OSBPL2: variants seen among roughly 807,000 people sequenced by gnomAD.
The protein encoded by OSBPL2 is oxysterol-binding protein-related protein 2.
In OSBPL2, 18 loss-of-function variants were observed where a neutral mutation model predicts 58.4. The ratio of observed to expected loss-of-function variants is 0.31; its 90% CI spans 0.21 to 0.46. The LOEUF (loss-of-function observed/expected upper bound fraction) is 0.46, where lower values mean the gene tolerates loss of function less well. OSBPL2 is among the 20% of genes least tolerant of loss of function. The pLI is 1.00. For synonymous variants in OSBPL2, 221 were observed against 234.1 expected, an observed-to-expected ratio of 0.94 and a Z score of 0.51; for missense variants, 461 against 616.5, an observed-to-expected ratio of 0.75 and a Z score of 2.67.
At chr20:62,244,199 C>T (rs1352606073) in intron 1 of OSBPL2, among the ~76,000 whole-genome samples, 1 of 152,230 alleles carries the variant, frequency 6.6e-6, no homozygotes, top group Non-Finnish European at 1.5e-5. Flanking sequence ...GGGTCACTCA[C>T]TTCCCTTTGC....
At chr20:62,256,779 G>A (rs182932014) in intron 2 of OSBPL2, among the ~76,000 whole-genome samples, 70 of 152,366 alleles carry the variant, frequency 4.6e-4, no homozygotes, top group Admixed American at 3.2e-3. Context: ...GGCATGTGAC[G>A]GGGCGGCTAG....
intron 1 of OSBPL2, among the ~76,000 whole-genome samples, chr20:62,240,668 G>A (rs1040899726): frequency 1.3e-5 from 2 of 152,232 alleles, no homozygotes; most frequent in African/African-American, 2.4e-5. Flanking sequence ...TAACATTTTC[G>A]TTTAGAATAT....
At chr20:62,284,190 G>T in intron 10 of OSBPL2, 21 bp downstream of exon 10, 1 of 1,613,834 alleles carries the variant, frequency 6.2e-7, no homozygotes, top group South Asian at 1.1e-5. Context: ...GGGCGTCCCC[G>T]GGCAGAGCTG....
intron 3 of OSBPL2, among the ~76,000 whole-genome samples, chr20:62,261,324 A>G (rs1981289107): frequency 6.6e-6 from 1 of 151,360 alleles, no homozygotes; most frequent in African/African-American, 2.4e-5. Context: ...TCCAAAAAAA[A>G]AAAAAAAAAA....
intron 7 of OSBPL2, chr20:62,280,060 C>T: frequency 7.7e-7 from 1 of 1,304,322 alleles, no homozygotes; most frequent in Non-Finnish European, 1.0e-6. Flanking sequence ...CAAATGCCGG[C>T]CGCTAAGACC....
intron 1 of OSBPL2, chr20:62,255,197 A>G (rs1980839116): frequency 6.6e-6 from 1 of 151,356 alleles, no homozygotes; most frequent in Non-Finnish European, 1.5e-5. Flanking sequence ...TTCCGGATTC[A>G]AGCGATTCTT....
At chr20:62,266,561 G>T in intron 4 of OSBPL2, among the ~76,000 whole-genome samples, 1 of 151,664 alleles carries the variant, frequency 6.6e-6, no homozygotes, top group East Asian at 1.9e-4. Flanking sequence ...GCTCGTTCTG[G>T]ATCCGAGGTG....
chr20:62,250,174 T>A (rs929388573), intron 1 of OSBPL2, among the ~76,000 whole-genome samples: 1 of 152,218 alleles, frequency 6.6e-6, no homozygotes, highest in African/African-American at 2.4e-5. Flanking sequence ...CTGTGAGTGT[T>A]TGTTGAATGA....
chr20:62,245,185 G>A (rs1024327788), intron 1 of OSBPL2, among the ~76,000 whole-genome samples: 1 of 150,952 alleles, frequency 6.6e-6, no homozygotes, highest in Admixed American at 6.6e-5. Context: ...TGCAACCTCC[G>A]CCTCATGGGT....
At chr20:62,270,408 T>C (rs1981982592) in intron 4 of OSBPL2, among the ~76,000 whole-genome samples, 1 of 123,004 alleles carries the variant, frequency 8.1e-6, no homozygotes, top group African/African-American at 3.2e-5. Flanking sequence ...TCCTTGTCCC[T>C]CTCTGGCCTC....
chr20:62,260,048 C>T lies in OSBPL2; in HGVS notation c.105C>T (p.Asp35=), dbSNP rs1332766793. 1 of 1,613,654 alleles carries T rather than the reference C, an allele frequency of 6.2e-7. No individual in the cohort carries two copies. The change falls in exon 3 of 14, where the codon GAC becomes GAT. Residue 35 remains aspartate, a synonymous_variant. Coordinates refer to ENST00000313733, the MANE Select transcript of OSBPL2 (RefSeq NM_144498.4). The part of the protein sequence containing the change: ...EANQKVTGMI[D]LDTSKNNRIG... ...ATCAGAAAGTCACGGGAATGATTGA[C>T]TTAGACACCAGCAAAAATAATAGGA... is the stretch of plus-strand genomic sequence containing the variant.
At position 62,284,371 on chromosome 20, in the gene OSBPL2, T is replaced by G. The variant is rs945838454; in HGVS notation, c.996+202T>G. ...GTGAGGGGGTTTATCTGTATTTCTTTCCATTTTTTTTTTTTTTCCCCTCCA... is the reference window on the plus strand; with the variant it reads ...GTGAGGGGGTTTATCTGTATTTCTTGCCATTTTTTTTTTTTTTCCCCTCCA... On this transcript the variant is annotated intron_variant, in intron 10 of 13. Transcript: ENST00000313733. 40 of 562,282 alleles carry G rather than the reference T, an allele frequency of 7.1e-5. 1 individual carries two copies. In the South Asian group the frequency reaches 8.2e-4, roughly 12 times the overall value. The allele number at this position is 562,282 out of a possible 1,614,324, so 34.8% of individuals were successfully genotyped here.
intron 4 of OSBPL2, 113 bp from the exon 5 acceptor site, chr20:62,272,012 G>T: frequency 7.5e-7 from 1 of 1,330,674 alleles, no homozygotes; most frequent in Non-Finnish European, 1.0e-6. Flanking sequence ...TGAAGATCCG[G>T]TTCAACCCCA....
intron 6 of OSBPL2, among the ~76,000 whole-genome samples, chr20:62,275,202 A>T (rs555764613): frequency 1.2e-4 from 18 of 152,116 alleles, no homozygotes; most frequent in African/African-American, 3.9e-4. Context: ...GTGTCTCTTT[A>T]AAAAAAATGA....
intron 9 of OSBPL2, among the ~76,000 whole-genome samples, chr20:62,282,777 A>G (rs902647193): frequency 6.6e-6 from 1 of 152,240 alleles, no homozygotes; most frequent in African/African-American, 2.4e-5. Context: ...CAGTGAGCCA[A>G]GATCACGCCA....
chr20:62,289,819 C>T (rs1158568878), intron 12 of OSBPL2, among the ~76,000 whole-genome samples: 1 of 152,054 alleles, frequency 6.6e-6, no homozygotes, highest in African/African-American at 2.4e-5. Context: ...GCATGAGAAT[C>T]GCTTGTACCC....
At chr20:62,245,618 A>G (rs1486908291) in intron 1 of OSBPL2, among the ~76,000 whole-genome samples, 1 of 152,188 alleles carries the variant, frequency 6.6e-6, no homozygotes, top group Non-Finnish European at 1.5e-5. Flanking sequence ...TATTTGGCTA[A>G]AGGATCAAGA....
At chr20:62,262,827 A>C (rs1402183599) in intron 3 of OSBPL2, among the ~76,000 whole-genome samples, 1 of 152,190 alleles carries the variant, frequency 6.6e-6, no homozygotes. Context: ...GGAGTTCAGC[A>C]GGAGAGCCCT....
chr20:62,273,696 T>C (rs990273126), intron 6 of OSBPL2, among the ~76,000 whole-genome samples: 1 of 152,184 alleles, frequency 6.6e-6, no homozygotes, highest in African/African-American at 2.4e-5. Context: ...CGTGTGTGTG[T>C]GCGACGTCTG....
Sources: gnomAD v4.1 joint callset for allele counts (sites outside exome capture counted in the v4.1 genomes callset) on GRCh38, gnomAD v4.1.1 for gene constraint, MANE v1.5 for transcripts, NCBI Gene and HGNC (gene_info 2026-07-23, HGNC 2026-07-21) for gene names.